ERICH1: variants seen among roughly 807,000 people sequenced by gnomAD.
The protein encoded by ERICH1 is glutamate-rich protein 1.
Under a neutral mutation model 39.6 loss-of-function variants are expected in ERICH1, and 56 were observed. The observed-to-expected ratio is 1.41, with a 90% CI of 1.14 to 1.77. ERICH1 has a LOEUF of 1.77. Among genes scored for constraint, ERICH1 ranks in the 40% most tolerant of loss-of-function variants. The pLI is 0.00. For synonymous variants in ERICH1, 313 were observed against 223.6 expected, an observed-to-expected ratio of 1.40 and a Z score of -3.57; for missense variants, 826 against 575.4, an observed-to-expected ratio of 1.44 and a Z score of -4.45.
Position 649,414 on chromosome 8 carries a change from G to GCTGAAAAATTGTCAAAGTCAAGCAA in ERICH1, c.976+19183_976+19184insTTGCTTGACTTTGACAATTTTTCAG, listed in dbSNP as rs1799646969. Among the ~76,000 whole-genome samples the GCTGAAAAATTGTCAAAGTCAAGCAA allele has an allele frequency of 1.3e-4, 2 of 15,104 alleles. 1 individual carries two copies. The allele number at this position is 15,104 out of a possible 152,430, so 9.9% of individuals were successfully genotyped here. ...CACAGTGTGGTTAAACTGGCTTCTC[G>GCTGAAAAATTGTCAAAGTCAAGCAA]GCTAAGAGCGGGGCTTGCTTTTATT... On this transcript the variant is annotated intron_variant, in intron 3 of 3. Transcript: ENST00000522706.
At chr8:661,606 T>C (rs986844291), downstream of ERICH1, among the ~76,000 whole-genome samples, 1 of 152,196 alleles carries the variant, frequency 6.6e-6, no homozygotes, top group African/African-American at 2.4e-5. Flanking sequence ...AGAAGATAAA[T>C]TGATCTAATT....
intron 3 of ERICH1, among the ~76,000 whole-genome samples, chr8:657,014 G>C (rs1800745491): frequency 1.3e-5 from 2 of 152,214 alleles, no homozygotes. Flanking sequence ...AATAGATTGG[G>C]GAAGAGGGGA....
In ERICH1 at chr8:668,661, G is replaced by C. The variant is rs1802668966; in HGVS notation, c.1195C>G (p.Gln399Glu). The change falls in exon 5 of 6, where the codon CAA becomes GAA. Residue 399 changes from glutamine to glutamate, a missense_variant. Transcript: ENST00000262109. ...LYHMKTLLLL[Q>E]DTERLKHALE... ...GCATGCTTCAATCTCTCAGTATCTT[G>C]CAGGAGCAGCAGCGTTTTCATGTGG... 1.9e-6 allele frequency: 3 copies of C among 1,614,046 alleles called. No individual in the cohort carries two copies. Among genetic ancestry groups the C allele is most frequent in the African/African-American group, 1.3e-5 (1 of 74,932 alleles).
intron 3 of ERICH1, among the ~76,000 whole-genome samples, chr8:633,155 T>A (rs184208763): frequency 1.3e-5 from 2 of 152,174 alleles, no homozygotes; most frequent in African/African-American, 4.8e-5. Flanking sequence ...GAAACCAGTG[T>A]GGAGCCCGCG....
chr8:694,101 G>A (rs1809583174), intron 2 of ERICH1, among the ~76,000 whole-genome samples: 3 of 152,214 alleles, frequency 2.0e-5, no homozygotes, highest in South Asian at 4.1e-4. Context: ...AAACAACAAT[G>A]ACAGGTATTG....
downstream of ERICH1, among the ~76,000 whole-genome samples, chr8:660,858 G>A (rs1164630267): frequency 1.3e-5 from 2 of 152,062 alleles, no homozygotes; most frequent in African/African-American, 4.8e-5. Flanking sequence ...ATATGGGACT[G>A]CTCTCCTGGG....
At chr8:630,021 ACT>A (rs1290225361) in intron 3 of ERICH1, among the ~76,000 whole-genome samples, 2 of 125,164 alleles carry the variant, frequency 1.6e-5, no homozygotes. Flanking sequence ...GACAAAGCTG[ACT>A]CACACCCTCC....
rs563145724 is a variant in ERICH1 at position 664,625 on chromosome 8, A to G, written c.1310T>C (p.Leu437Pro). The change falls in exon 6 of 6, where the codon CTT becomes CCT. Residue 437 changes from leucine to proline, a missense_variant. Transcript: ENST00000262109. ...ATTTTAGTCACTGCTCTTCTCAGGA[A>G]GGATATGTGTGATCCAGTAACTAAA... ...AFFSYWITHILPEKSSD is the reference protein window; with the variant it reads ...AFFSYWITHIPPEKSSD 8 of 1,612,474 alleles carry G rather than the reference A, an allele frequency of 5.0e-6. No homozygotes were observed. The South Asian group carries it at 5.5e-5, about 11-fold the overall frequency.
intron 2 of ERICH1, among the ~76,000 whole-genome samples, chr8:709,295 A>G (rs1294567035): frequency 1.3e-5 from 2 of 152,184 alleles, no homozygotes; most frequent in Non-Finnish European, 2.9e-5. Context: ...GACAGACCAG[A>G]GTCTGAACCC....
intron 3 of ERICH1, among the ~76,000 whole-genome samples, chr8:678,576 G>A (rs1242581223): frequency 3.3e-5 from 5 of 152,284 alleles, no homozygotes; most frequent in East Asian, 3.9e-4. Flanking sequence ...TTGGGAGGCC[G>A]AGGCGGGCGG....
chr8:695,979 C>T (rs185530855), intron 2 of ERICH1, among the ~76,000 whole-genome samples: 3 of 37,228 alleles, frequency 8.1e-5, no homozygotes, highest in African/African-American at 1.4e-4. Flanking sequence ...CCCTCCACTC[C>T]TCTCCTTCCT....
chr8:704,312 G>A (rs747143865), intron 2 of ERICH1, among the ~76,000 whole-genome samples: 6 of 152,198 alleles, frequency 3.9e-5, no homozygotes, highest in African/African-American at 7.2e-5. Flanking sequence ...AGGTGAGACC[G>A]GGAGTTACGG....
intron 3 of ERICH1, among the ~76,000 whole-genome samples, chr8:639,601 G>A (rs538606726): frequency 1.3e-5 from 2 of 151,046 alleles, no homozygotes; most frequent in South Asian, 4.2e-4. Context: ...CAAGCACCCT[G>A]GATTCAGAGG....
intron 2 of ERICH1, among the ~76,000 whole-genome samples, chr8:705,232 C>T (rs948420916): frequency 3.3e-5 from 5 of 152,246 alleles, no homozygotes; most frequent in South Asian, 2.1e-4. Flanking sequence ...GTTCCTCATC[C>T]GGCTGCCTCC....
Position 703,518 on chromosome 8 carries a change from G to A in ERICH1, c.170-10906C>T, listed in dbSNP as rs556626642. ...GCCTCCCCACCACCCGTGGGAGACCGGGACTCACTCTCTGCAAAGGCCAGG... is the reference window on the plus strand; with the variant it reads ...GCCTCCCCACCACCCGTGGGAGACCAGGACTCACTCTCTGCAAAGGCCAGG... On this transcript the variant is annotated intron_variant, in intron 2 of 5. Transcript: ENST00000262109. 3.3e-5 allele frequency among the ~76,000 whole-genome samples: 5 copies of A among 152,260 alleles called. No homozygotes were observed. The East Asian group carries it at 9.7e-4, about 29-fold the overall frequency.
intron 3 of ERICH1, among the ~76,000 whole-genome samples, chr8:636,375 G>A (rs1269367511): frequency 1.3e-5 from 2 of 152,220 alleles, no homozygotes; most frequent in Admixed American, 6.5e-5. Context: ...GCTAGAGACT[G>A]TCCTTCTGGT....
At chr8:687,810 A>G (rs989958883) in intron 3 of ERICH1, among the ~76,000 whole-genome samples, 7 of 152,046 alleles carry the variant, frequency 4.6e-5, no homozygotes, top group Admixed American at 2.0e-4. Context: ...GCCACGGAGG[A>G]ATCGGGGGCG....
intron 3 of ERICH1, among the ~76,000 whole-genome samples, chr8:617,436 C>T (rs774211362): frequency 6.6e-6 from 1 of 152,210 alleles, no homozygotes; most frequent in African/African-American, 2.4e-5. Context: ...CCATTTGGTC[C>T]TCATCTGACC....
intron 3 of ERICH1, among the ~76,000 whole-genome samples, chr8:638,848 C>T (rs1798672212): frequency 6.6e-6 from 1 of 152,136 alleles, no homozygotes; most frequent in African/African-American, 2.4e-5. Flanking sequence ...CGGCAGTCAC[C>T]CGCTGCCCTT....
Sources: allele counts gnomAD v4.1 joint callset (sites outside exome capture counted in the v4.1 genomes callset), GRCh38; gene constraint gnomAD v4.1.1; transcripts MANE v1.5; gene names NCBI Gene and HGNC (gene_info 2026-07-23, HGNC 2026-07-21).